The following AK5 variants were observed in gnomAD, a reference collection of about 807,000 sequenced individuals.
The protein encoded by AK5 is adenylate kinase 5, also known as adenylate kinase isoenzyme 5.
A neutral mutation model predicts 69.5 loss-of-function variants in AK5; 27 were observed. The ratio of observed to expected loss-of-function variants is 0.39; its 90% CI spans 0.29 to 0.54. AK5 has a LOEUF of 0.54. Ranked by LOEUF, AK5 falls within the 20% of genes least tolerant of loss-of-function variation. The pLI, the probability that AK5 is intolerant of heterozygous loss-of-function variation, is 0.71. For synonymous variants in AK5, 260 were observed against 244.4 expected, an observed-to-expected ratio of 1.06 and a Z score of -0.60; for missense variants, 531 against 700.4, an observed-to-expected ratio of 0.76 and a Z score of 2.73.
chr1:77,287,865 G>T (rs1398826120), intron 2 of AK5, among the ~76,000 whole-genome samples: 1 of 152,222 alleles, frequency 6.6e-6, no homozygotes, highest in Non-Finnish European at 1.5e-5. Flanking sequence ...AAGTACAGCT[G>T]CTGGGATCAG....
chr1:77,519,725 C>T (rs1327359771), intron 11 of AK5, among the ~76,000 whole-genome samples: 1 of 152,186 alleles, frequency 6.6e-6, no homozygotes, highest in Non-Finnish European at 1.5e-5. Context: ...CCTGACATTG[C>T]TGTGGCATTT....
intron 8 of AK5, among the ~76,000 whole-genome samples, chr1:77,446,900 C>G (rs1652787772): frequency 6.6e-6 from 1 of 152,172 alleles, no homozygotes; most frequent in Non-Finnish European, 1.5e-5. Context: ...GAGTCCTGTT[C>G]CAATAGGTAA....
chr1:77,387,388 A>T (rs1472314437), intron 6 of AK5, among the ~76,000 whole-genome samples: 1 of 152,182 alleles, frequency 6.6e-6, no homozygotes, highest in Non-Finnish European at 1.5e-5. Flanking sequence ...GGAACATTAA[A>T]TATTATTTTA....
chr1:77,346,923 A>C (rs891454310), intron 6 of AK5, among the ~76,000 whole-genome samples: 1 of 152,224 alleles, frequency 6.6e-6, no homozygotes, highest in African/African-American at 2.4e-5. Context: ...TAGGAAAAAA[A>C]TTCTGTTACA....
At chr1:77,286,582 C>T (rs1186115494) in intron 1 of AK5, among the ~76,000 whole-genome samples, 2 of 151,950 alleles carry the variant, frequency 1.3e-5, no homozygotes, top group Non-Finnish European at 2.9e-5. Context: ...TGCAGTGGCT[C>T]ATGCCTGTAA....
At chr1:77,488,905 C>CAT (rs1655784731) in intron 10 of AK5, among the ~76,000 whole-genome samples, 1 of 1,190 alleles carries the variant, frequency 8.4e-4, no homozygotes, top group Non-Finnish European at 0.012. Flanking sequence ...CAATCAAGTC[C>CAT]ACTCAGTATT....
At chr1:77,528,390 G>A (rs932937393) in intron 12 of AK5, among the ~76,000 whole-genome samples, 6 of 151,990 alleles carry the variant, frequency 3.9e-5, no homozygotes, top group African/African-American at 1.2e-4. Context: ...AGATTGATGC[G>A]TCCGATGCAT....
intron 9 of AK5, among the ~76,000 whole-genome samples, chr1:77,484,159 C>CA (rs35490046): frequency 0.16 from 20,261 of 123,060 alleles, 1,522 homozygotes; most frequent in Admixed American, 0.22. Context: ...GACTACGTCT[C>CA]AAAAAAAAAA....
chr1:77,554,454 A>G (rs1436948400), intron 13 of AK5, among the ~76,000 whole-genome samples: 2 of 152,124 alleles, frequency 1.3e-5, no homozygotes, highest in Non-Finnish European at 2.9e-5. Context: ...GTCCCTTCAT[A>G]TGATAGAGGA....
intron 5 of AK5, among the ~76,000 whole-genome samples, chr1:77,309,280 G>A (rs1275005138): frequency 6.6e-6 from 1 of 151,368 alleles, no homozygotes; most frequent in African/African-American, 2.4e-5. Context: ...AAATGAAGGA[G>A]GGAAGTCTAT....
At chr1:77,316,604 C>T (rs1400381296) in intron 5 of AK5, among the ~76,000 whole-genome samples, 1 of 152,128 alleles carries the variant, frequency 6.6e-6, no homozygotes, top group Non-Finnish European at 1.5e-5. Context: ...AATTTGATTT[C>T]CTCCTAAGGG....
chr1:77,344,344 C>T (rs1661806080), intron 6 of AK5, among the ~76,000 whole-genome samples: 1 of 152,204 alleles, frequency 6.6e-6, no homozygotes, highest in African/African-American at 2.4e-5. Flanking sequence ...GAAACTTCTT[C>T]ATAGAACTTT....
At chr1:77,320,525 G>T (rs61784659) in intron 5 of AK5, among the ~76,000 whole-genome samples, 53,995 of 151,928 alleles carry the variant, frequency 0.36, 9,880 homozygotes, top group South Asian at 0.46. Flanking sequence ...GAGGCAGGTG[G>T]GTCACCTGAG....
chr1:77,558,322 A>G (rs147727590), intron 13 of AK5, among the ~76,000 whole-genome samples: 1 of 152,212 alleles, frequency 6.6e-6, no homozygotes, highest in Admixed American at 6.5e-5. Context: ...ACAAGCAATG[A>G]GTGAGAGTTC....
intron 10 of AK5, among the ~76,000 whole-genome samples, chr1:77,488,263 TA>T (rs1439043357): frequency 1.1e-4 from 17 of 152,222 alleles, no homozygotes; most frequent in Non-Finnish European, 1.2e-4. Context: ...AAAGTAAAAC[TA>T]TATATTGCTT....
intron 1 of AK5, among the ~76,000 whole-genome samples, chr1:77,286,693 A>C (rs1658371242): frequency 6.6e-6 from 1 of 151,986 alleles, no homozygotes; most frequent in Non-Finnish European, 1.5e-5. Flanking sequence ...CTAAAAATAC[A>C]AAAAGTAGCT....
chr1:77,287,742 A>T (rs1215709271), intron 2 of AK5, among the ~76,000 whole-genome samples: 1 of 152,258 alleles, frequency 6.6e-6, no homozygotes, highest in East Asian at 1.9e-4. Context: ...AGACAAAAAA[A>T]GGGAAATGAT....
intron 6 of AK5, among the ~76,000 whole-genome samples, chr1:77,392,775 T>C (rs1049444812): frequency 3.9e-5 from 6 of 152,080 alleles, no homozygotes; most frequent in African/African-American, 1.4e-4. Flanking sequence ...CTGGGTTTTT[T>C]TTTTAATATA....
At position 77,475,513 on chromosome 1, in the gene AK5, AT is replaced by A. The variant is rs562698268; in HGVS notation, c.1060-7803del. Among the ~76,000 whole-genome samples the A allele has an allele frequency of 2.3e-3, 233 of 101,710 alleles. 3 individuals carry two copies. The highest frequency in any genetic ancestry group is 8.4e-3 in the African/African-American group (222 of 26,582). 66.7% of individuals were successfully genotyped at this position (101,710 alleles called of 152,430 possible). ...ATATACAAATATATATTATATATAT[AT>A]GTATATATATTATATATATACAAAT... On this transcript the variant is annotated intron_variant, in intron 8 of 13. Coordinates refer to ENST00000354567, the MANE Select transcript of AK5 (RefSeq NM_174858.3).
Sources: gnomAD v4.1 joint callset for allele counts (sites outside exome capture counted in the v4.1 genomes callset) on GRCh38, gnomAD v4.1.1 for gene constraint, MANE v1.5 for transcripts, NCBI Gene and HGNC (gene_info 2026-07-23, HGNC 2026-07-21) for gene names.